FGD3: variants seen among roughly 807,000 people sequenced by gnomAD.
The protein encoded by FGD3 is FYVE, RhoGEF and PH domain-containing protein 3.
FGD3 carries 45 observed loss-of-function variants against 71.8 expected under a neutral mutation model. That is an observed-to-expected ratio of 0.63 (90% CI 0.49 to 0.80). FGD3 has a LOEUF of 0.80. Ranked by LOEUF, FGD3 falls within the 30% of genes least tolerant of loss-of-function variation. The pLI, the probability that FGD3 is intolerant of heterozygous loss-of-function variation, is 0.00. For synonymous variants in FGD3, 378 were observed against 392.8 expected (o/e 0.96, Z 0.44); for missense variants, 844 against 951.5 (o/e 0.89, Z 1.49).
At chr9:92,982,404 A>G (rs1860030601) in intron 3 of FGD3, among the ~76,000 whole-genome samples, 1 of 152,198 alleles carries the variant, frequency 6.6e-6, no homozygotes, top group South Asian at 2.1e-4. Context: ...ACCCAGGTTG[A>G]TTCCATATCT....
At chr9:92,993,915 G>A (rs1860523421) in intron 3 of FGD3, among the ~76,000 whole-genome samples, 1 of 152,110 alleles carries the variant, frequency 6.6e-6, no homozygotes, top group Non-Finnish European at 1.5e-5. Flanking sequence ...GAATAGTGCT[G>A]CAATAAACAT....
At chr9:92,976,827 G>C (rs145019965) in intron 3 of FGD3, 118 bp downstream of exon 3, 3 of 1,155,332 alleles carry the variant, frequency 2.6e-6, no homozygotes, top group Non-Finnish European at 1.2e-6. Flanking sequence ...ACACAGGCTC[G>C]TGCTGTGTGC....
chr9:92,988,570 C>T (rs1860279520), intron 3 of FGD3, among the ~76,000 whole-genome samples: 2 of 152,314 alleles, frequency 1.3e-5, no homozygotes, highest in South Asian at 4.1e-4. Context: ...ATGTTGACTT[C>T]TGATTAATCA....
At chr9:92,999,504 C>T (rs553935070) in intron 3 of FGD3, among the ~76,000 whole-genome samples, 9 of 151,838 alleles carry the variant, frequency 5.9e-5, no homozygotes, top group South Asian at 2.1e-4. Context: ...GTACCTCAAT[C>T]GGAAATGCAG....
At chr9:92,954,471 G>A (rs1360317829) in intron 1 of FGD3, among the ~76,000 whole-genome samples, 3 of 152,156 alleles carry the variant, frequency 2.0e-5, no homozygotes, top group Non-Finnish European at 2.9e-5. Flanking sequence ...AGAAGCAGCC[G>A]GGCTCTGAGT....
intron 8 of FGD3, 34 bp from the exon 9 acceptor site, chr9:93,013,814 CACAG>C: frequency 3.1e-6 from 5 of 1,610,120 alleles, no homozygotes; most frequent in Non-Finnish European, 3.4e-6. Flanking sequence ...CAGCCACTCT[CACAG>C]ACCTTTGGTG....
At chr9:92,986,120 C>G (rs1860177830) in intron 3 of FGD3, among the ~76,000 whole-genome samples, 1 of 152,128 alleles carries the variant, frequency 6.6e-6, no homozygotes, top group Admixed American at 6.5e-5. Flanking sequence ...CCAGTCTTAC[C>G]ATGTACCCTT....
intron 1 of FGD3, among the ~76,000 whole-genome samples, chr9:92,952,856 G>A (rs1279706673): frequency 6.6e-6 from 1 of 151,526 alleles, no homozygotes; most frequent in African/African-American, 2.4e-5. Flanking sequence ...TTCTTCCCCC[G>A]AGGTCCTCCA....
At chr9:93,028,529 C>T (rs1416181015) in intron 14 of FGD3, among the ~76,000 whole-genome samples, 2 of 152,150 alleles carry the variant, frequency 1.3e-5, no homozygotes, top group African/African-American at 2.4e-5. Context: ...AAGGGAGGCA[C>T]CTCCTCCCCA....
chr9:92,972,326 C>T (rs1223424678), intron 1 of FGD3, among the ~76,000 whole-genome samples: 3 of 151,754 alleles, frequency 2.0e-5, no homozygotes, highest in Non-Finnish European at 4.4e-5. Context: ...GTGGTGGGTG[C>T]CTGTAATCCC....
chr9:92,976,652 G>T lies in FGD3; in HGVS notation c.396G>T (p.Glu132Asp), dbSNP rs1228173634. The T allele has an allele frequency of 3.1e-6, 5 of 1,611,718 alleles. No homozygotes were observed. The East Asian group carries it at 1.1e-4, about 36-fold the overall frequency. The change falls in exon 3 of 18, where the codon GAG (glutamate) becomes GAT (aspartate). Residue 132 changes from glutamate (E) to aspartate (D), a missense_variant. Physicochemically the swap from Glu to Asp is conservative, Grantham distance 45 (BLOSUM62 2). Transcript: ENST00000375482. ...PQEEADSDVG[E>D]EPDSENTPQK... Reference sequence around the variant, plus strand: ...AGGAGGCGGACAGCGACGTGGGTGAGGAACCTGACTCTGAGAACACCCCCC... The same window carrying T: ...AGGAGGCGGACAGCGACGTGGGTGATGAACCTGACTCTGAGAACACCCCCC...
intron 3 of FGD3, among the ~76,000 whole-genome samples, chr9:92,984,989 G>A (rs910662268): frequency 1.3e-5 from 2 of 152,170 alleles, no homozygotes; most frequent in Non-Finnish European, 2.9e-5. Flanking sequence ...TAGTGCCAAT[G>A]TCTGATTTGG....
Position 92,976,525 on chromosome 9 carries a change from T to C in FGD3, c.269T>C (p.Phe90Ser), listed in dbSNP as rs1859762229. 13 of 1,612,526 alleles carry C rather than the reference T, an allele frequency of 8.1e-6. No homozygotes were observed. Among genetic ancestry groups the C allele is most frequent in the Non-Finnish European group, 1.1e-5 (13 of 1,179,808 alleles). ...SPSSSVAGEN[F>S]PCEEGLEAGP... ...TCCTCCAGTGTGGCTGGAGAGAACTTTCCCTGCGAGGAGGGCTTGGAGGCT... is the reference window on the plus strand; with the variant it reads ...TCCTCCAGTGTGGCTGGAGAGAACTCTCCCTGCGAGGAGGGCTTGGAGGCT... Residue 90 changes from phenylalanine to serine, a missense_variant, in exon 3 of 18, where the codon TTT becomes TCT. Phe to Ser is a radical substitution (Grantham distance 155, BLOSUM62 -2). Transcript: ENST00000375482.
At chr9:92,960,985 C>G (rs1442645019) in intron 1 of FGD3, among the ~76,000 whole-genome samples, 1 of 151,974 alleles carries the variant, frequency 6.6e-6, no homozygotes, top group East Asian at 1.9e-4. Flanking sequence ...CCAGGCCTCT[C>G]TCCTAGTGGG....
intron 16 of FGD3, 128 bp from the exon 17 acceptor site, chr9:93,034,413 C>T: frequency 2.4e-6 from 3 of 1,262,270 alleles, no homozygotes; most frequent in South Asian, 1.6e-5. Flanking sequence ...AGTCTCTGTG[C>T]AGATCTTGGC....
At chr9:93,004,218 TGCTGGGGGACTGTCTCATGGTG>T (rs1340612430) in intron 5 of FGD3, 81 bp downstream of exon 5, 19 of 1,560,048 alleles carry the variant, frequency 1.2e-5, no homozygotes, top group Non-Finnish European at 1.6e-5. Flanking sequence ...GCGAGGCAAG[TGCTGGGGGACTGTCTCATGGTG>T]GCTGGGCGCC....
chr9:93,012,750 A>G (rs1008189283), intron 8 of FGD3, among the ~76,000 whole-genome samples: 1 of 151,810 alleles, frequency 6.6e-6, no homozygotes. Flanking sequence ...TGCCTGGTGC[A>G]GGAAGTGTCA....
chr9:92,947,645 G>C lies in FGD3; in HGVS notation c.-302G>C, dbSNP rs1419987503. ...GCTCCTCTGGAAGCGGCTCCGGCAA[G>C]TATCGAGTTTGCCTGTGCGGAGCTG... On this transcript the variant is annotated 5_prime_UTR_variant, in exon 1 of 18. Transcript: ENST00000375482. 1 of 152,328 alleles carries C rather than the reference G, an allele frequency of 6.6e-6. No homozygotes were observed. Among genetic ancestry groups the C allele is most frequent in the Admixed American group, 6.5e-5 (1 of 15,288 alleles). 9.4% of individuals were successfully genotyped at this position (152,328 alleles called of 1,614,324 possible).
At chr9:92,950,173 T>C (rs1329010164) in intron 1 of FGD3, among the ~76,000 whole-genome samples, 2 of 151,982 alleles carry the variant, frequency 1.3e-5, no homozygotes, top group Admixed American at 1.3e-4. Context: ...ATCCCAGCAC[T>C]TTGGGAGGCT....
Sources: gnomAD v4.1 joint callset for allele counts (sites outside exome capture counted in the v4.1 genomes callset) on GRCh38, gnomAD v4.1.1 for gene constraint, MANE v1.5 for transcripts, NCBI Gene and HGNC (gene_info 2026-07-23, HGNC 2026-07-21) for gene names.